The following DPP6 variants were observed in gnomAD, a reference collection of about 807,000 sequenced individuals.
The protein encoded by DPP6 is dipeptidyl peptidase like 6, also known as A-type potassium channel modulatory protein DPP6.
In DPP6, 69 loss-of-function variants were observed where a neutral mutation model predicts 122.6. The ratio of observed to expected loss-of-function variants is 0.56; its 90% CI spans 0.46 to 0.69. The LOEUF (loss-of-function observed/expected upper bound fraction) is 0.69, where lower values mean the gene tolerates loss of function less well. DPP6 is among the 30% of genes least tolerant of loss of function. The probability of loss-of-function intolerance (pLI) is 0.00; values close to 1 mark genes in which losing one functional copy is unlikely to be tolerated. For missense variants in DPP6, 928 were observed against 1,116.9 expected (o/e 0.83, Z 2.41); for synonymous variants, 418 against 433.1 (o/e 0.97, Z 0.43).
intron 1 of DPP6, among the ~76,000 whole-genome samples, chr7:154,307,214 G>A (rs1459157840): frequency 6.6e-6 from 1 of 152,182 alleles, no homozygotes; most frequent in Non-Finnish European, 1.5e-5. Context: ...CCAGGAGAGT[G>A]GGAATAGTTA....
At chr7:154,159,191 C>T (rs560926822) in intron 1 of DPP6, among the ~76,000 whole-genome samples, 11 of 152,168 alleles carry the variant, frequency 7.2e-5, no homozygotes, top group Admixed American at 6.5e-4. Flanking sequence ...CTCCCATCCC[C>T]GAGCCCCTGC....
chr7:153,858,052 A>G, the DPP6 span, among the ~76,000 whole-genome samples: 1 of 152,336 alleles, frequency 6.6e-6, no homozygotes, highest in Non-Finnish European at 1.5e-5. Context: ...CTAATTAGTC[A>G]TTAACATATG....
intron 1 of DPP6, among the ~76,000 whole-genome samples, chr7:154,424,883 A>G (rs374906625): frequency 2.0e-4 from 30 of 152,354 alleles, no homozygotes; most frequent in African/African-American, 6.7e-4. Context: ...CATCTCTTTC[A>G]GAGCCCTCCA....
intron 1 of DPP6, among the ~76,000 whole-genome samples, chr7:154,151,178 A>G (rs371983059): frequency 1.3e-5 from 2 of 152,242 alleles, no homozygotes; most frequent in East Asian, 3.9e-4. Context: ...AGCTGCCAAT[A>G]TGTGTCCCAC....
intron 1 of DPP6, among the ~76,000 whole-genome samples, chr7:154,005,866 A>G (rs1292269263): frequency 1.3e-5 from 2 of 152,102 alleles, no homozygotes; most frequent in Admixed American, 6.6e-5. Flanking sequence ...GTTGGCGGCT[A>G]TGGAGATCCT....
intron 1 of DPP6, among the ~76,000 whole-genome samples, chr7:154,401,209 A>AC (rs201424260): frequency 2.1e-4 from 31 of 145,378 alleles, no homozygotes; most frequent in African/African-American, 7.5e-4. Context: ...AAAAAACAAA[A>AC]ACAAAAACAA....
At chr7:154,595,690 C>T (rs952488976) in intron 5 of DPP6, among the ~76,000 whole-genome samples, 2 of 152,238 alleles carry the variant, frequency 1.3e-5, no homozygotes, top group Admixed American at 6.5e-5. Context: ...GTAAGCTAGG[C>T]GGAGGCAGGA....
chr7:153,824,821 A>T, the DPP6 span, among the ~76,000 whole-genome samples: 1 of 152,188 alleles, frequency 6.6e-6, no homozygotes, highest in African/African-American at 2.4e-5. Context: ...CTTTGGCAAT[A>T]CGATTCCTCA....
intron 16 of DPP6, among the ~76,000 whole-genome samples, chr7:154,837,662 T>G (rs1005491470): frequency 1.3e-5 from 2 of 152,254 alleles, no homozygotes; most frequent in African/African-American, 4.8e-5. Context: ...TCAGTTGGTC[T>G]TGTATAGTGT....
intron 1 of DPP6, chr7:154,058,336 G>C (rs112673842): frequency 1.7e-5 from 2 of 114,872 alleles, no homozygotes; most frequent in Admixed American, 8.5e-5. Flanking sequence ...GGCACCCCCC[G>C]CGAGGCAGGG....
At chr7:154,883,121 TCACA>T (rs756805859) in intron 21 of DPP6, among the ~76,000 whole-genome samples, 1 of 124,722 alleles carries the variant, frequency 8.0e-6, no homozygotes, top group Admixed American at 8.2e-5. Context: ...ATACATGTGC[TCACA>T]CATACACACA....
chr7:154,697,099 G>T (rs1189088077), intron 7 of DPP6, among the ~76,000 whole-genome samples: 1 of 152,204 alleles, frequency 6.6e-6, no homozygotes, highest in Non-Finnish European at 1.5e-5. Flanking sequence ...GAACATAGAT[G>T]GAGAACCAAG....
chr7:154,431,476 CTTTTCTTTTCTTTTCT>C (rs1250137770), intron 1 of DPP6, among the ~76,000 whole-genome samples: 2 of 18,846 alleles, frequency 1.1e-4, no homozygotes, highest in Non-Finnish European at 1.8e-4. Context: ...CTTTTCTTTT[CTTTTCTTTTCTTTTCT>C]TTTCTTTTCT....
chr7:154,564,807 C>G (rs1349016815), intron 4 of DPP6, among the ~76,000 whole-genome samples: 1 of 152,196 alleles, frequency 6.6e-6, no homozygotes, highest in East Asian at 1.9e-4. Flanking sequence ...GGCATAGTGG[C>G]AGAAGATTCG....
intron 12 of DPP6, among the ~76,000 whole-genome samples, chr7:154,800,766 G>A (rs558083194): frequency 6.6e-6 from 1 of 152,312 alleles, no homozygotes; most frequent in South Asian, 2.1e-4. Flanking sequence ...TTTAGAACCC[G>A]TGGCATTTGT....
At chr7:154,814,751 G>A (rs374252107) in intron 16 of DPP6, among the ~76,000 whole-genome samples, 7 of 152,168 alleles carry the variant, frequency 4.6e-5, no homozygotes, top group Admixed American at 2.6e-4. Flanking sequence ...TCTGTTCCAC[G>A]TTTCTCTCGA....
At chr7:154,105,889 G>T (rs1264214153) in intron 1 of DPP6, among the ~76,000 whole-genome samples, 1 of 151,156 alleles carries the variant, frequency 6.6e-6, no homozygotes, top group Non-Finnish European at 1.5e-5. Context: ...CATGAGAACA[G>T]ACTGATGCAT....
At chr7:154,684,251 C>T (rs1317714641) in intron 7 of DPP6, among the ~76,000 whole-genome samples, 2 of 152,094 alleles carry the variant, frequency 1.3e-5, no homozygotes, top group Non-Finnish European at 2.9e-5. Flanking sequence ...GCTCTGTCCC[C>T]TGCCACTCTG....
intron 1 of DPP6, among the ~76,000 whole-genome samples, chr7:153,906,516 T>G (rs1438188040): frequency 6.6e-6 from 1 of 152,204 alleles, no homozygotes; most frequent in Non-Finnish European, 1.5e-5. Context: ...ACTTGCATGA[T>G]CTTGGCTCGC....
Sources: gnomAD v4.1 joint callset for allele counts (sites outside exome capture counted in the v4.1 genomes callset) on GRCh38, gnomAD v4.1.1 for gene constraint, MANE v1.5 for transcripts, NCBI Gene and HGNC (gene_info 2026-07-23, HGNC 2026-07-21) for gene names.